The following STXBP5 variants were observed in gnomAD, a reference collection of about 807,000 sequenced individuals.
The protein encoded by STXBP5 is syntaxin binding protein 5.
STXBP5 carries 50 observed loss-of-function variants against 152.4 expected under a neutral mutation model. That is an observed-to-expected ratio of 0.33 (90% CI 0.26 to 0.42). The LOEUF (loss-of-function observed/expected upper bound fraction) is 0.42. STXBP5 is among the 10% of genes least tolerant of loss of function. STXBP5 has a pLI of 1.00. For missense variants in STXBP5, 1,167 were observed against 1,388.6 expected (o/e 0.84, Z 2.54); for synonymous variants, 492 against 494.7 (o/e 0.99, Z 0.07).
intron 4 of STXBP5, among the ~76,000 whole-genome samples, chr6:147,241,509 A>G (rs890472433): frequency 6.6e-6 from 1 of 152,180 alleles, no homozygotes; most frequent in African/African-American, 2.4e-5. Flanking sequence ...CCAAAATGTC[A>G]TATATATAGC....
At chr6:147,308,472 A>T (rs1782207069) in intron 9 of STXBP5, among the ~76,000 whole-genome samples, 1 of 152,212 alleles carries the variant, frequency 6.6e-6, no homozygotes, top group Non-Finnish European at 1.5e-5. Flanking sequence ...CCTTTGAAAC[A>T]ATATTTAATT....
At chr6:147,307,857 T>A (rs1169998596) in intron 9 of STXBP5, among the ~76,000 whole-genome samples, 4 of 152,196 alleles carry the variant, frequency 2.6e-5, no homozygotes, top group Non-Finnish European at 4.4e-5. Context: ...AAAACTTACT[T>A]GCCTTCCGAG....
At chr6:147,330,335 A>G (rs1193340566) in intron 18 of STXBP5, among the ~76,000 whole-genome samples, 1 of 152,186 alleles carries the variant, frequency 6.6e-6, no homozygotes, top group Non-Finnish European at 1.5e-5. Flanking sequence ...TAGAAAGCAG[A>G]ACTAAGTAAC....
At chr6:147,241,655 T>C (rs1407942956) in intron 4 of STXBP5, among the ~76,000 whole-genome samples, 1 of 152,126 alleles carries the variant, frequency 6.6e-6, no homozygotes, top group East Asian at 1.9e-4. Flanking sequence ...ATCTTATAGA[T>C]TAGAGATGTT....
intron 4 of STXBP5, among the ~76,000 whole-genome samples, chr6:147,259,622 T>G (rs892973093): frequency 6.6e-6 from 1 of 152,202 alleles, no homozygotes; most frequent in African/African-American, 2.4e-5. Context: ...TCTGTATGCT[T>G]TGCCGAGTGC....
chr6:147,342,234 T>C (rs997486332), intron 21 of STXBP5, among the ~76,000 whole-genome samples: 1 of 152,138 alleles, frequency 6.6e-6, no homozygotes, highest in Non-Finnish European at 1.5e-5. Flanking sequence ...TACCCATCAC[T>C]CAAGTATAAT....
rs745661725 is a variant in STXBP5 at position 147,239,244 on chromosome 6, A to G, written c.405A>G (p.Leu135=). ...TACGTCAGAAGAGGCCTGCCATACT[A>G]CATTCGCTTAAATTTTGCAGAGAAA... ...WNLRQKRPAI[L]HSLKFCRERV... The change falls in exon 4 of 28, where the codon CTA becomes CTG. Residue 135 remains leucine, a synonymous_variant. Coordinates refer to ENST00000321680, the MANE Select transcript of STXBP5 (RefSeq NM_001127715.4). The G allele has an allele frequency of 6.2e-6, 10 of 1,613,704 alleles. 1 individual carries two copies. In the South Asian group the frequency reaches 8.8e-5, roughly 14 times the overall value.
intron 9 of STXBP5, among the ~76,000 whole-genome samples, chr6:147,301,220 TATTGAAA>T (rs1369296489): frequency 1.3e-5 from 2 of 152,134 alleles, no homozygotes; most frequent in Non-Finnish European, 2.9e-5. Context: ...GTGCAGCCAT[TATTGAAA>T]ATCATATGGA....
At chr6:147,280,166 G>A (rs915300986) in intron 8 of STXBP5, among the ~76,000 whole-genome samples, 14 of 151,642 alleles carry the variant, frequency 9.2e-5, no homozygotes, top group East Asian at 5.8e-4. Context: ...GTTTCTTCTC[G>A]AAACTGGAAC....
chr6:147,208,942 CAT>C (rs909388769), intron 2 of STXBP5, among the ~76,000 whole-genome samples: 1 of 151,984 alleles, frequency 6.6e-6, no homozygotes, highest in South Asian at 2.1e-4. Flanking sequence ...TAGCAAATGA[CAT>C]ATGATATAAA....
At chr6:147,226,512 G>A (rs188870020) in intron 2 of STXBP5, among the ~76,000 whole-genome samples, 114 of 152,210 alleles carry the variant, frequency 7.5e-4, no homozygotes, top group African/African-American at 2.7e-3. Context: ...ACATAGTTGT[G>A]TAATTCAGCC....
At position 147,329,614 on chromosome 6, in the gene STXBP5, AGGCTTTTTTTTTTT is replaced by A. The variant is rs1203097617; in HGVS notation, c.2080+2339_2080+2352del. ...ACCAAATATCATCAAATTGTTCTTC[AGGCTTTTTTTTTTT>A]TTTTTTTTTTTTTTTGAGACGGAGT... On this transcript the variant is annotated intron_variant, in intron 18 of 27. Coordinates refer to ENST00000321680, the MANE Select transcript of STXBP5 (RefSeq NM_001127715.4). Among the ~76,000 whole-genome samples, 34 of 104,368 alleles carry A rather than the reference AGGCTTTTTTTTTTT, an allele frequency of 3.3e-4. No individual in the cohort carries two copies. The East Asian group carries it at 9.5e-3, about 29-fold the overall frequency. The allele number at this position is 104,368 out of a possible 152,430, so 68.5% of individuals were successfully genotyped here.
In STXBP5 at chr6:147,311,473, C is replaced by T; in HGVS notation, c.1091C>T (p.Ala364Val). ...PYPNDFQEPYAVVVLLEKDLV... is the reference protein window; with the variant it reads ...PYPNDFQEPYVVVVLLEKDLV... Reference sequence around the variant, plus strand: ...ATTCCAGATTTTCAAGAACCATATGCTGTGGTTGTTCTTCTAGAAAAGGAT... The same window carrying T: ...ATTCCAGATTTTCAAGAACCATATGTTGTGGTTGTTCTTCTAGAAAAGGAT... Residue 364 changes from alanine to valine, a missense_variant, in exon 11 of 28, where the codon GCT becomes GTT. Ala to Val is a moderately conservative substitution (Grantham distance 64). Around this residue, in one of 3 missense-constraint regions of STXBP5, gnomAD observed 833 missense variants for 986.3 expected, o/e 0.84. Transcript: ENST00000321680. 2 of 1,612,042 alleles carry T rather than the reference C, an allele frequency of 1.2e-6. 1 individual carries two copies. Among genetic ancestry groups the T allele is most frequent in the South Asian group, 2.2e-5 (2 of 90,830 alleles).
chr6:147,365,867 T>C (rs78009002), intron 25 of STXBP5, among the ~76,000 whole-genome samples: 5 of 152,278 alleles, frequency 3.3e-5, no homozygotes, highest in Non-Finnish European at 5.9e-5. Flanking sequence ...TTATGGAGTT[T>C]CCAGTCAAGA....
In STXBP5 at chr6:147,222,753, A is replaced by G. The variant is rs118119470; in HGVS notation, c.249-12497A>G. Reference sequence around the variant, plus strand: ...TTCCCTCTGCTGGTAGCATGAGGGAATTTTCTCCAATATTCATTGTGAGAA... The same window carrying G: ...TTCCCTCTGCTGGTAGCATGAGGGAGTTTTCTCCAATATTCATTGTGAGAA... On this transcript the variant is annotated intron_variant, in intron 2 of 27. Transcript: ENST00000321680. 6.3e-4 allele frequency among the ~76,000 whole-genome samples: 96 copies of G among 152,308 alleles called. 1 individual carries two copies. The East Asian group carries it at 0.016, about 26-fold the overall frequency.
At chr6:147,265,258 T>G (rs1779835600) in intron 6 of STXBP5, among the ~76,000 whole-genome samples, 1 of 152,058 alleles carries the variant, frequency 6.6e-6, no homozygotes, top group South Asian at 2.1e-4. Flanking sequence ...ACTTATTTTG[T>G]TAGTTTTGAT....
chr6:147,256,039 C>T, intron 4 of STXBP5, among the ~76,000 whole-genome samples: 1 of 152,152 alleles, frequency 6.6e-6, no homozygotes, highest in Non-Finnish European at 1.5e-5. Context: ...AAGAACCTAG[C>T]TGTTTAAAAG....
intron 6 of STXBP5, among the ~76,000 whole-genome samples, chr6:147,263,342 C>CTTTT (rs1029110765): frequency 7.8e-6 from 1 of 128,796 alleles, no homozygotes; most frequent in African/African-American, 2.8e-5. Flanking sequence ...TTCTTTCTTT[C>CTTTT]TTTTTTTTTT....
At chr6:147,351,593 A>G (rs1401925649) in intron 21 of STXBP5, among the ~76,000 whole-genome samples, 1 of 152,190 alleles carries the variant, frequency 6.6e-6, no homozygotes, top group Non-Finnish European at 1.5e-5. Context: ...TGTGACATCA[A>G]CTAACTGCAG....
Sources: allele counts gnomAD v4.1 joint callset (sites outside exome capture counted in the v4.1 genomes callset), GRCh38; gene constraint gnomAD v4.1.1; regional missense constraint gnomAD v4.1.1; transcripts MANE v1.5; gene names NCBI Gene and HGNC (gene_info 2026-07-23, HGNC 2026-07-21).